Variants in LRRC37A3 observed in about 807,000 individuals in gnomAD.
LRRC37A3 encodes leucine rich repeat containing 37 member A3.
In LRRC37A3, 25 loss-of-function variants were observed where a neutral mutation model predicts 106.2. That is an observed-to-expected ratio of 0.24 (90% CI 0.17 to 0.33). LRRC37A3 has a LOEUF of 0.33. Ranked by LOEUF, LRRC37A3 falls within the 10% of genes least tolerant of loss-of-function variation. The pLI is 1.00. For missense variants in LRRC37A3, 712 were observed against 1,644.9 expected (o/e 0.43, Z 9.81); for synonymous variants, 305 against 635.8 (o/e 0.48, Z 7.83).
At chr17:64,915,579 G>A (rs1318839716) in intron 2 of LRRC37A3, among the ~76,000 whole-genome samples, 3 of 152,252 alleles carry the variant, frequency 2.0e-5, no homozygotes, top group African/African-American at 4.8e-5. Flanking sequence ...TACAGAAAAA[G>A]TCTGGCAAGG....
chr17:64,876,502 T>C (rs545772157), intron 8 of LRRC37A3, among the ~76,000 whole-genome samples: 1 of 152,120 alleles, frequency 6.6e-6, no homozygotes, highest in Non-Finnish European at 1.5e-5. Context: ...AAGACCAAAT[T>C]ATTAAAATTA....
intron 10 of LRRC37A3, among the ~76,000 whole-genome samples, chr17:64,864,443 C>CT (rs1276014988): frequency 6.6e-6 from 1 of 152,140 alleles, no homozygotes; most frequent in Non-Finnish European, 1.5e-5. Context: ...CTGTACTATT[C>CT]TTTCATCTTT....
chr17:64,875,937 T>G (rs943767159), intron 8 of LRRC37A3, among the ~76,000 whole-genome samples: 4 of 152,178 alleles, frequency 2.6e-5, no homozygotes, highest in African/African-American at 9.7e-5. Flanking sequence ...AAGCAAAGTT[T>G]TTGTATACCA....
At chr17:64,869,257 T>C (rs959825777) in intron 8 of LRRC37A3, 91 bp from the exon 9 acceptor site, 51 of 1,584,024 alleles carry the variant, frequency 3.2e-5, no homozygotes, top group African/African-American at 3.2e-4. Context: ...ATGGAACTTG[T>C]AGGTAAAAAA....
chr17:64,866,363 T>G (rs1191879987), intron 10 of LRRC37A3, among the ~76,000 whole-genome samples: 2 of 151,082 alleles, frequency 1.3e-5, no homozygotes, highest in African/African-American at 4.9e-5. Flanking sequence ...CTGACAAAAA[T>G]GAACGGAGCA....
At chr17:64,882,430 G>A (rs1266807007) in intron 8 of LRRC37A3, among the ~76,000 whole-genome samples, 1 of 152,172 alleles carries the variant, frequency 6.6e-6, no homozygotes, top group Non-Finnish European at 1.5e-5. Flanking sequence ...AGAGTTGTTA[G>A]GTGTGACAAT....
Position 64,858,893 on chromosome 17 carries a change from A to G in LRRC37A3, c.4705-10T>C. 6.4e-7 allele frequency: 1 copy of G among 1,573,606 alleles called. No homozygotes were observed. ...GAAGTTCTTTTGTGAACTAAAAAAA[A>G]AAAAACCAGAATGAGAGCTAACTAT... On this transcript the variant is annotated splice_polypyrimidine_tract_variant and intron_variant, in intron 12 of 14. Coordinates refer to ENST00000584306, the MANE Select transcript of LRRC37A3 (RefSeq NM_199340.5).
chr17:64,910,080 G>A lies in LRRC37A3; in HGVS notation c.-496+8670C>T, dbSNP rs1183407833. On this transcript the variant is annotated intron_variant, in intron 2 of 14. Coordinates refer to ENST00000584306, the MANE Select transcript of LRRC37A3 (RefSeq NM_199340.5). ...GTTCTCTGAACTGTCTGGATGAACC[G>A]GTCAACGGCACTCATCATACCTTAG... 5 of 152,400 alleles carry A rather than the reference G, an allele frequency of 3.3e-5. No individual in the cohort carries two copies. The East Asian group carries it at 5.8e-4, about 18-fold the overall frequency. The allele number at this position is 152,400 out of a possible 1,614,324, so 9.4% of individuals were successfully genotyped here.
intron 2 of LRRC37A3, among the ~76,000 whole-genome samples, chr17:64,914,419 C>T (rs1329393210): frequency 6.8e-6 from 1 of 146,902 alleles, no homozygotes; most frequent in Admixed American, 6.8e-5. Flanking sequence ...ATTAGCTGGG[C>T]GTGGTGGTGG....
intron 8 of LRRC37A3, among the ~76,000 whole-genome samples, chr17:64,874,409 G>T (rs182253673): frequency 2.0e-5 from 3 of 150,048 alleles, no homozygotes; most frequent in African/African-American, 7.3e-5. Flanking sequence ...CCCTCCGCCC[G>T]GCAGTCGCCC....
intron 14 of LRRC37A3, among the ~76,000 whole-genome samples, chr17:64,855,252 T>C (rs1281234712): frequency 6.6e-6 from 1 of 150,732 alleles, no homozygotes. Context: ...AAAGAGAAAA[T>C]ACTGTTTCCT....
At chr17:64,915,621 C>T (rs1974686068) in intron 2 of LRRC37A3, among the ~76,000 whole-genome samples, 1 of 152,112 alleles carries the variant, frequency 6.6e-6, no homozygotes, top group African/African-American at 2.4e-5. Flanking sequence ...AGATGAACAC[C>T]AAATGTGTAA....
intron 2 of LRRC37A3, among the ~76,000 whole-genome samples, chr17:64,916,440 T>C (rs530382236): frequency 2.6e-5 from 4 of 151,494 alleles, no homozygotes; most frequent in South Asian, 2.1e-4. Context: ...AAAAGAAGAA[T>C]AACAATAAAG....
intron 5 of LRRC37A3, among the ~76,000 whole-genome samples, chr17:64,890,263 G>T (rs1160467116): frequency 7.2e-6 from 1 of 138,326 alleles, no homozygotes; most frequent in Admixed American, 6.8e-5. Context: ...TTGAGACAGG[G>T]TCTCACTCTG....
At position 64,883,592 on chromosome 17, in the gene LRRC37A3, G is replaced by GT. The variant is rs1973773769; in HGVS notation, c.2906+2493dup. ...ACAGCTGGGGCCTCTTTTTTTGTTT[G>GT]TTTTTTATAAACTTGTGTAATGCAG... On this transcript the variant is annotated intron_variant, in intron 8 of 14. Coordinates refer to ENST00000584306, the MANE Select transcript of LRRC37A3 (RefSeq NM_199340.5). Among the ~76,000 whole-genome samples the GT allele has an allele frequency of 1.1e-4, 17 of 149,926 alleles. No individual in the cohort carries two copies. In the South Asian group the frequency reaches 3.6e-3, roughly 32 times the overall value.
rs548482297 is a variant in LRRC37A3 at position 64,877,823 on chromosome 17, T to C, written c.2906+8263A>G. ...TGGACAGACAAATAAATCAATAGAA[T>C]AGAATTGACAACCCAGAAATAAACC... is the stretch of plus-strand genomic sequence containing the variant. On this transcript the variant is annotated intron_variant, in intron 8 of 14. Transcript: ENST00000584306. 5.3e-5 allele frequency among the ~76,000 whole-genome samples: 8 copies of C among 152,234 alleles called. No homozygotes were observed. In the South Asian group the frequency reaches 1.0e-3, roughly 20 times the overall value.
Position 64,859,683 on chromosome 17 carries a change from T to C in LRRC37A3, c.4463A>G (p.Asn1488Ser). ...ATGAGCAATGAGCCTTCTCACATTGTTGTTGGGGATAACGGACTGCAGCTG... is the reference window on the plus strand; with the variant it reads ...ATGAGCAATGAGCCTTCTCACATTGCTGTTGGGGATAACGGACTGCAGCTG... The part of the protein sequence containing the change: ...TQQLQSVIPN[N>S]NVRRLIAHVI... The change falls in exon 12 of 15, where the codon AAC (asparagine) becomes AGC (serine). Residue 1488 changes from asparagine (N) to serine (S), a missense_variant. Coordinates refer to ENST00000584306, the MANE Select transcript of LRRC37A3 (RefSeq NM_199340.5). 6.2e-7 allele frequency: 1 copy of C among 1,613,808 alleles called. No homozygotes were observed. The highest frequency in any genetic ancestry group is 2.2e-5 in the East Asian group (1 of 44,874).
chr17:64,911,066 G>A (rs1375203183), intron 2 of LRRC37A3, among the ~76,000 whole-genome samples: 4 of 152,084 alleles, frequency 2.6e-5, no homozygotes, highest in African/African-American at 9.7e-5. Context: ...ATAGATATAT[G>A]TATCTATATA....
intron 2 of LRRC37A3, among the ~76,000 whole-genome samples, chr17:64,915,176 CTAAT>C (rs1974674732): frequency 6.6e-6 from 1 of 151,926 alleles, no homozygotes; most frequent in South Asian, 2.1e-4. Flanking sequence ...GATGGATACC[CTAAT>C]TAACCTGATT....
Sources: allele counts gnomAD v4.1 joint callset (sites outside exome capture counted in the v4.1 genomes callset), GRCh38; gene constraint gnomAD v4.1.1; transcripts MANE v1.5; gene names NCBI Gene and HGNC (gene_info 2026-07-23, HGNC 2026-07-21).